CPAP: variants seen among roughly 807,000 people sequenced by gnomAD.
The protein encoded by CPAP is centrosomal P4.1-associated protein.
the CPAP span, chr13:24,909,699 A>T: frequency 1.6e-6 from 2 of 1,258,848 alleles, no homozygotes; most frequent in Non-Finnish European, 2.3e-6. Flanking sequence ...CTCTGAAAAA[A>T]TAATTTTTAA....
the CPAP span, among the ~76,000 whole-genome samples, chr13:24,927,374 G>A: frequency 1.3e-5 from 2 of 152,172 alleles, no homozygotes; most frequent in Non-Finnish European, 2.9e-5. Flanking sequence ...CAGCCATATA[G>A]AACCAGCAGA....
At chr13:24,912,888 T>C in the CPAP span, 6 of 1,614,232 alleles carry the variant, frequency 3.7e-6, no homozygotes, top group East Asian at 1.3e-4. Flanking sequence ...TGTCCACAGC[T>C]GCTCGCTTCT....
the CPAP span, among the ~76,000 whole-genome samples, chr13:24,914,776 A>G: frequency 6.6e-6 from 1 of 152,096 alleles, no homozygotes; most frequent in African/African-American, 2.4e-5. Context: ...ACCCTGTCTC[A>G]AAAAATAAAT....
chr13:24,895,140 G>A, the CPAP span, among the ~76,000 whole-genome samples: 27 of 152,254 alleles, frequency 1.8e-4, 1 homozygote, highest in Admixed American at 1.8e-3. Flanking sequence ...CAGAAGCCAG[G>A]GCAGGGAAGG....
the CPAP span, among the ~76,000 whole-genome samples, chr13:24,891,868 T>C: frequency 2.0e-5 from 3 of 152,170 alleles, no homozygotes; most frequent in Admixed American, 6.5e-5. Flanking sequence ...ACTAATCCGA[T>C]TGCCCCGTCT....
chr13:24,891,334 A>G, the CPAP span, among the ~76,000 whole-genome samples: 1 of 151,878 alleles, frequency 6.6e-6, no homozygotes, highest in Non-Finnish European at 1.5e-5. Context: ...ACACATTGAG[A>G]CGATCCCAGG....
the CPAP span, chr13:24,883,504 T>TG: frequency 6.1e-6 from 4 of 659,742 alleles, no homozygotes. Context: ...CCTATACAAT[T>TG]GTAACTTTCT....
chr13:24,893,095 A>C, the CPAP span, among the ~76,000 whole-genome samples: 46 of 152,292 alleles, frequency 3.0e-4, no homozygotes, highest in Non-Finnish European at 4.4e-4. Flanking sequence ...AGGAGAAAGG[A>C]AGGCAGACAG....
At chr13:24,883,207 C>T in the CPAP span, 3 of 1,614,038 alleles carry the variant, frequency 1.9e-6, no homozygotes, top group Admixed American at 5.0e-5. Flanking sequence ...GCACATTACC[C>T]TCCTTGTCCT....
the CPAP span, among the ~76,000 whole-genome samples, chr13:24,893,117 T>C: frequency 6.6e-6 from 1 of 151,906 alleles, no homozygotes; most frequent in Admixed American, 6.6e-5. Context: ...ACATGGGAGC[T>C]GACAGCAGAA....
the CPAP span, chr13:24,906,074 G>A: frequency 1.2e-6 from 2 of 1,613,298 alleles, no homozygotes; most frequent in Non-Finnish European, 1.7e-6. Context: ...AAGTTGTTTG[G>A]GTGCGACTTC....
the CPAP span, chr13:24,886,110 A>G: frequency 2.5e-6 from 1 of 396,670 alleles, no homozygotes; most frequent in Non-Finnish European, 5.0e-6. Flanking sequence ...TACCAGCAAC[A>G]TATACATTAC....
the CPAP span, chr13:24,933,183 C>A: frequency 7.7e-7 from 1 of 1,294,946 alleles, no homozygotes; most frequent in Non-Finnish European, 1.1e-6. Context: ...ATCGCGCATT[C>A]AGGGAACAAC....
the CPAP span, chr13:24,912,805 A>G: frequency 8.8e-5 from 142 of 1,614,190 alleles, no homozygotes; most frequent in South Asian, 1.4e-3. Context: ...TTCTTCAAGA[A>G]GTGAATCTTC....
At chr13:24,917,046 C>T in the CPAP span, among the ~76,000 whole-genome samples, 3 of 152,080 alleles carry the variant, frequency 2.0e-5, no homozygotes, top group Non-Finnish European at 4.4e-5. Context: ...GTCAGGAGAT[C>T]GAGACCATCC....
At chr13:24,897,203 C>T in the CPAP span, among the ~76,000 whole-genome samples, 1 of 152,072 alleles carries the variant, frequency 6.6e-6, no homozygotes, top group African/African-American at 2.4e-5. Context: ...AATTGAGCCC[C>T]TGCACTCCAG....
chr13:24,884,125 G>A, the CPAP span: 57 of 1,592,986 alleles, frequency 3.6e-5, no homozygotes, highest in Non-Finnish European at 4.6e-5. Context: ...TTGAAGGAAG[G>A]GAAGAATTTA....
chr13:24,889,382 G>C, the CPAP span: 1 of 1,608,548 alleles, frequency 6.2e-7, no homozygotes, highest in Non-Finnish European at 8.5e-7. Context: ...TGACTGTTTT[G>C]AAATCGAACA....
chr13:24,907,871 A>C, the CPAP span: 3 of 653,294 alleles, frequency 4.6e-6, no homozygotes, highest in South Asian at 5.3e-5. Flanking sequence ...TGTTGACAGT[A>C]CATAATAGGT....
Sources: allele counts gnomAD v4.1 joint callset (sites outside exome capture counted in the v4.1 genomes callset), GRCh38; gene constraint gnomAD v4.1.1; transcripts MANE v1.5; gene names NCBI Gene and HGNC (gene_info 2026-07-23, HGNC 2026-07-21).